Variants in GMDS observed in about 807,000 individuals in gnomAD.
The protein encoded by GMDS is GDP-mannose 4,6-dehydratase.
A neutral mutation model predicts 49.9 loss-of-function variants in GMDS; 20 were observed. That is an observed-to-expected ratio of 0.40 (90% confidence interval 0.28 to 0.58). GMDS has a LOEUF of 0.58. GMDS is among the 20% of genes least tolerant of loss of function. The pLI, the probability that GMDS is intolerant of heterozygous loss-of-function variation, is 0.42. For synonymous variants in GMDS, 177 were observed against 178.6 expected (o/e 0.99, Z 0.07); for missense variants, 362 against 481.4 (o/e 0.75, Z 2.32).
At chr6:2,235,793 G>C (rs976675867) in intron 1 of GMDS, among the ~76,000 whole-genome samples, 7 of 145,400 alleles carry the variant, frequency 4.8e-5, no homozygotes, top group African/African-American at 1.5e-4. Context: ...GCCTGAGCAA[G>C]ACCCTTTCTG....
intron 1 of GMDS, among the ~76,000 whole-genome samples, chr6:2,225,876 C>T (rs933632427): frequency 6.6e-6 from 1 of 152,096 alleles, no homozygotes; most frequent in African/African-American, 2.4e-5. Context: ...TCCTGGGACA[C>T]AATGACTACC....
At chr6:2,216,956 C>T (rs182284525) in intron 1 of GMDS, among the ~76,000 whole-genome samples, 9 of 152,262 alleles carry the variant, frequency 5.9e-5, no homozygotes, top group Admixed American at 4.6e-4. Flanking sequence ...CTCCAGGACA[C>T]TTCCCCGAGA....
chr6:1,898,632 G>A (rs1246581850), intron 7 of GMDS, among the ~76,000 whole-genome samples: 6 of 152,152 alleles, frequency 3.9e-5, no homozygotes, highest in African/African-American at 1.4e-4. Context: ...GAAAGACTTT[G>A]AACAACTAAC....
intron 9 of GMDS, among the ~76,000 whole-genome samples, chr6:1,681,692 C>G (rs561152172): frequency 6.6e-6 from 1 of 152,212 alleles, no homozygotes; most frequent in Admixed American, 6.5e-5. Flanking sequence ...TGCCGTGAAT[C>G]TGATTTTCAA....
intron 1 of GMDS, among the ~76,000 whole-genome samples, chr6:2,209,574 C>T (rs899372302): frequency 1.4e-5 from 2 of 140,180 alleles, no homozygotes; most frequent in African/African-American, 5.8e-5. Flanking sequence ...TACACATACA[C>T]ACACACACAC....
chr6:1,829,644 T>C (rs1216325356), intron 7 of GMDS, among the ~76,000 whole-genome samples: 1 of 152,216 alleles, frequency 6.6e-6, no homozygotes. Context: ...TCTGCCATGT[T>C]GGCTGGGCTG....
intron 4 of GMDS, among the ~76,000 whole-genome samples, chr6:2,079,630 C>A (rs1460652327): frequency 6.6e-6 from 1 of 152,054 alleles, no homozygotes; most frequent in Non-Finnish European, 1.5e-5. Flanking sequence ...TTGAATGTAT[C>A]ATTCTTTCCT....
intron 4 of GMDS, among the ~76,000 whole-genome samples, chr6:2,009,744 A>T (rs1767430019): frequency 6.6e-6 from 1 of 152,202 alleles, no homozygotes; most frequent in Admixed American, 6.5e-5. Flanking sequence ...TTATTACAGA[A>T]TGTGATAAAA....
At chr6:1,725,822 T>C (rs548526306) in intron 9 of GMDS, among the ~76,000 whole-genome samples, 3 of 152,342 alleles carry the variant, frequency 2.0e-5, no homozygotes, top group African/African-American at 7.2e-5. Context: ...TGGTGGGTTA[T>C]AGTAGGTACT....
chr6:1,674,618 G>A (rs148274002), intron 9 of GMDS, among the ~76,000 whole-genome samples: 1,423 of 140,128 alleles, frequency 0.01, 32 homozygotes, highest in African/African-American at 0.036. Flanking sequence ...AGGCTGGAGC[G>A]CAGTGATGCA....
At position 1,735,700 on chromosome 6, in the gene GMDS, C is replaced by T. The variant is rs532557468; in HGVS notation, c.890+6768G>A. Among the ~76,000 whole-genome samples the T allele has an allele frequency of 1.7e-4, 26 of 152,300 alleles. No individual in the cohort carries two copies. The South Asian group carries it at 4.6e-3, about 27-fold the overall frequency. On this transcript the variant is annotated intron_variant, in intron 8 of 10. Transcript: ENST00000380815. ...GAATGTCTTCCTCCTTCCTATCATC[C>T]GTATCTCCCAATCTGGACAAGGTCC...
At chr6:1,932,308 G>A (rs1762323384) in intron 6 of GMDS, among the ~76,000 whole-genome samples, 1 of 152,066 alleles carries the variant, frequency 6.6e-6, no homozygotes, top group African/African-American at 2.4e-5. Context: ...TTAATTTTCC[G>A]AGCAACCCAT....
intron 9 of GMDS, among the ~76,000 whole-genome samples, chr6:1,675,346 CG>C (rs1396106816): frequency 1.4e-5 from 2 of 145,842 alleles, no homozygotes; most frequent in African/African-American, 2.5e-5. Context: ...GTTGTTTCTT[CG>C]GGATTTTCTA....
At chr6:2,081,291 C>T (rs1302434784) in intron 4 of GMDS, among the ~76,000 whole-genome samples, 1 of 152,190 alleles carries the variant, frequency 6.6e-6, no homozygotes, top group Non-Finnish European at 1.5e-5. Context: ...CACAAAGAGT[C>T]TGCACACTGC....
chr6:2,022,620 T>C (rs1375860109), intron 4 of GMDS, among the ~76,000 whole-genome samples: 2 of 152,182 alleles, frequency 1.3e-5, no homozygotes, highest in African/African-American at 2.4e-5. Flanking sequence ...AAACTGAACT[T>C]AGCTGCACAA....
chr6:2,183,640 A>G (rs1008491489), intron 1 of GMDS, among the ~76,000 whole-genome samples: 1 of 152,218 alleles, frequency 6.6e-6, no homozygotes, highest in Admixed American at 6.5e-5. Context: ...TTTTTAAAGA[A>G]GTTCTACAGT....
At chr6:2,185,238 A>C (rs1778726176) in intron 1 of GMDS, among the ~76,000 whole-genome samples, 3 of 152,192 alleles carry the variant, frequency 2.0e-5, no homozygotes, top group Non-Finnish European at 2.9e-5. Context: ...AACAAACTTA[A>C]GTTTTTTCAA....
In GMDS at chr6:1,939,600, TATAC is replaced by T. The variant is rs1250750966; in HGVS notation, c.644-9374_644-9371del. Among the ~76,000 whole-genome samples the T allele has an allele frequency of 1.0e-3, 81 of 80,864 alleles. 1 individual carries two copies. The highest frequency in any genetic ancestry group is 4.9e-4 in the Non-Finnish European group (16 of 32,826). 53.0% of individuals were successfully genotyped at this position (80,864 alleles called of 152,430 possible). On this transcript the variant is annotated intron_variant, in intron 6 of 10. Coordinates refer to ENST00000380815, the MANE Select transcript of GMDS (RefSeq NM_001500.4). ...ATATATATACACACACACACACACA[TATAC>T]ACATACACACACACAGAGTCCATGT... is the stretch of plus-strand genomic sequence containing the variant.
chr6:2,116,602 T>C (rs1289750495), intron 3 of GMDS, among the ~76,000 whole-genome samples: 1 of 152,222 alleles, frequency 6.6e-6, no homozygotes, highest in East Asian at 1.9e-4. Flanking sequence ...GAAAGCCTTT[T>C]ACTGTGGACA....
Sources: allele counts gnomAD v4.1 joint callset (sites outside exome capture counted in the v4.1 genomes callset), GRCh38; gene constraint gnomAD v4.1.1; transcripts MANE v1.5; gene names NCBI Gene and HGNC (gene_info 2026-07-23, HGNC 2026-07-21).